ANKRD30A: variants seen among roughly 807,000 people sequenced by gnomAD.
ANKRD30A encodes ankyrin repeat domain 30A, also known as ankyrin repeat domain-containing protein 30A.
ANKRD30A carries 170 observed loss-of-function variants against 166.3 expected under a neutral mutation model. The observed-to-expected ratio is 1.02, with a 90% CI of 0.90 to 1.16. The LOEUF (loss-of-function observed/expected upper bound fraction) is 1.16. Among genes scored for constraint, ANKRD30A ranks in the 50% most tolerant of loss-of-function variants. ANKRD30A has a pLI of 0.00. For synonymous variants in ANKRD30A, 564 were observed against 508.9 expected (o/e 1.11, Z -1.46); for missense variants, 1,630 against 1,518.0 (o/e 1.07, Z -1.23).
At chr10:37,214,539 G>GGT (rs978235256) in intron 31 of ANKRD30A, among the ~76,000 whole-genome samples, 4 of 123,652 alleles carry the variant, frequency 3.2e-5, no homozygotes, top group African/African-American at 9.1e-5. Flanking sequence ...TAGTTTTATA[G>GGT]GTATATATAT....
intron 1 of ANKRD30A, among the ~76,000 whole-genome samples, chr10:37,126,656 T>C (rs187272253): frequency 2.4e-4 from 37 of 152,302 alleles, no homozygotes; most frequent in Non-Finnish European, 4.9e-4. Context: ...ATTTTTTAAA[T>C]TACACAGGCT....
chr10:37,153,717 T>C (rs1838141008), intron 13 of ANKRD30A, 55 bp downstream of exon 13: 3 of 1,601,576 alleles, frequency 1.9e-6, no homozygotes, highest in Non-Finnish European at 2.6e-6. Flanking sequence ...TCTAAACTGA[T>C]GAGGAGGGAT....
chr10:37,140,231 ATCTG>A (rs1837006643), intron 6 of ANKRD30A, among the ~76,000 whole-genome samples: 1 of 152,192 alleles, frequency 6.6e-6, no homozygotes, highest in African/African-American at 2.4e-5. Flanking sequence ...GAAAAGAAAA[ATCTG>A]TCTGTTAGTG....
chr10:37,183,904 G>C lies in ANKRD30A; in HGVS notation c.2422-5563G>C, dbSNP rs188064611. On this transcript the variant is annotated intron_variant, in intron 24 of 35. Coordinates refer to ENST00000361713, the MANE Select transcript of ANKRD30A (RefSeq NM_052997.3). ...TGGCTCACGTCTGTAACGCCAGCAC[G>C]TTGGGAGGCCGTGACTGGCAGATCA... is the stretch of plus-strand genomic sequence containing the variant. Among the ~76,000 whole-genome samples, 1,481 of 149,654 alleles carry C rather than the reference G, an allele frequency of 9.9e-3. 4 individuals carry two copies. The highest frequency in any genetic ancestry group is 0.017 in the Admixed American group (256 of 14,826).
intron 6 of ANKRD30A, among the ~76,000 whole-genome samples, 198 bp downstream of exon 6, chr10:37,136,869 T>C (rs1251720597): frequency 6.6e-6 from 1 of 151,122 alleles, no homozygotes; most frequent in Non-Finnish European, 1.5e-5. Context: ...TTTGATTTTT[T>C]GGTTTATAAT....
intron 31 of ANKRD30A, among the ~76,000 whole-genome samples, chr10:37,209,774 C>A (rs530575902): frequency 6.6e-6 from 1 of 151,934 alleles, no homozygotes; most frequent in Non-Finnish European, 1.5e-5. Context: ...ACTTAATCTT[C>A]TTTTATATAT....
Position 37,201,284 on chromosome 10 carries a change from C to T in ANKRD30A, c.2828C>T (p.Thr943Ile). The T allele has an allele frequency of 6.3e-7, 1 of 1,593,726 alleles. No individual in the cohort carries two copies. The highest frequency in any genetic ancestry group is 8.5e-7 in the Non-Finnish European group (1 of 1,171,304). ...SQKDVCVPKATHQKEMDKISG... is the reference protein window; with the variant it reads ...SQKDVCVPKAIHQKEMDKISG... Reference sequence around the variant, plus strand: ...AAGGATGTGTGTGTACCCAAGGCTACACATCAAAAAGAAATGGATAAAATA... The same window carrying T: ...AAGGATGTGTGTGTACCCAAGGCTATACATCAAAAAGAAATGGATAAAATA... Residue 943 changes from threonine to isoleucine, a missense_variant, in exon 31 of 36, where the codon ACA becomes ATA. Physicochemically the swap from Thr to Ile is moderately conservative, Grantham distance 89. Transcript: ENST00000361713.
intron 13 of ANKRD30A, among the ~76,000 whole-genome samples, chr10:37,154,795 T>A (rs769432813): frequency 1.4e-4 from 21 of 152,140 alleles, no homozygotes; most frequent in Non-Finnish European, 2.6e-4. Context: ...TAGAAAAGTT[T>A]TACTGCAGAA....
the ANKRD30A span, among the ~76,000 whole-genome samples, chr10:37,242,506 C>G: frequency 6.6e-6 from 1 of 152,132 alleles, no homozygotes; most frequent in African/African-American, 2.4e-5. Context: ...TATTCATTTA[C>G]TTGTATCAGT....
In ANKRD30A at chr10:37,231,555, C is replaced by G; in HGVS notation, c.*86C>G. 1.8e-6 allele frequency: 2 copies of G among 1,087,250 alleles called. No individual in the cohort carries two copies. Among genetic ancestry groups the G allele is most frequent in the Non-Finnish European group, 2.6e-6 (2 of 765,668 alleles). 67.4% of individuals were successfully genotyped at this position (1,087,250 alleles called of 1,614,324 possible). ...CATGCTAGGAGGCCAGTCCTAGCAT[C>G]ACCTTATGTTGAAAATCTTACCAAT... is the stretch of plus-strand genomic sequence containing the variant. On this transcript the variant is annotated 3_prime_UTR_variant, in exon 35 of 36. Coordinates refer to ENST00000361713, the MANE Select transcript of ANKRD30A (RefSeq NM_052997.3).
chr10:37,257,792 A>T, the ANKRD30A span, among the ~76,000 whole-genome samples: 2 of 152,358 alleles, frequency 1.3e-5, no homozygotes, highest in East Asian at 3.9e-4. Flanking sequence ...GACATAAAAA[A>T]GAATGAGTTC....
rs776132995 is a variant in ANKRD30A at position 37,217,721 on chromosome 10, A to G, written c.3110A>G (p.Lys1037Arg). The change falls in exon 33 of 36, where the codon AAG (lysine) becomes AGG (arginine). Residue 1037 changes from lysine (K) to arginine (R), a missense_variant. Transcript: ENST00000361713. ...VRLTLNQEEE[K>R]RRNADILNEK... The stretch of plus-strand genomic sequence containing the variant: ...TTGACTTTAAACCAAGAAGAAGAGA[A>G]GAGAAGAAATGCCGATATATTAAAT... The G allele has an allele frequency of 1.3e-6, 2 of 1,580,906 alleles. No homozygotes were observed. The highest frequency in any genetic ancestry group is 1.2e-5 in the South Asian group (1 of 85,392).
chr10:37,150,395 A>G (rs887239883), intron 11 of ANKRD30A, among the ~76,000 whole-genome samples: 1 of 151,926 alleles, frequency 6.6e-6, no homozygotes, highest in African/African-American at 2.4e-5. Flanking sequence ...TGTAAAGATG[A>G]GGAAAGTAAT....
chr10:37,209,435 T>C (rs978581853), intron 31 of ANKRD30A, among the ~76,000 whole-genome samples: 5 of 151,866 alleles, frequency 3.3e-5, no homozygotes, highest in African/African-American at 1.2e-4. Flanking sequence ...GAGAGAGAGG[T>C]GGGAGGTGCC....
chr10:37,200,002 C>T (rs564104937), intron 30 of ANKRD30A, among the ~76,000 whole-genome samples: 1 of 152,062 alleles, frequency 6.6e-6, no homozygotes, highest in South Asian at 2.1e-4. Flanking sequence ...TTTAAGAAGC[C>T]CGTGTGGTAC....
chr10:37,228,842 A>G (rs1843281779), intron 34 of ANKRD30A, among the ~76,000 whole-genome samples: 1 of 151,966 alleles, frequency 6.6e-6, no homozygotes, highest in African/African-American at 2.4e-5. Flanking sequence ...TAAGTTTTCT[A>G]TTGTCATTTT....
chr10:37,229,689 T>C lies in ANKRD30A; in HGVS notation c.4186-1772T>C, dbSNP rs987785773. On this transcript the variant is annotated intron_variant, in intron 34 of 35. Transcript: ENST00000361713. ...TTCTTTTTCACGTATTTAAAATTGCTTTCTGAATCACTGACTTATAAGGAA... is the reference window on the plus strand; with the variant it reads ...TTCTTTTTCACGTATTTAAAATTGCCTTCTGAATCACTGACTTATAAGGAA... Among the ~76,000 whole-genome samples, 5 of 151,996 alleles carry C rather than the reference T, an allele frequency of 3.3e-5. No individual in the cohort carries two copies. In the South Asian group the frequency reaches 6.2e-4, roughly 19 times the overall value.
chr10:37,222,651 C>T (rs1842951046), intron 34 of ANKRD30A, among the ~76,000 whole-genome samples: 1 of 151,316 alleles, frequency 6.6e-6, no homozygotes, highest in Non-Finnish European at 1.5e-5. Context: ...TTCCATATCT[C>T]TCTGCCTTCC....
At chr10:37,237,043 G>T (rs1247074410), downstream of ANKRD30A, among the ~76,000 whole-genome samples, 1 of 152,164 alleles carries the variant, frequency 6.6e-6, no homozygotes, top group African/African-American at 2.4e-5. Flanking sequence ...TTTAGCTGGA[G>T]AACTATTTTT....
Sources: gnomAD v4.1 joint callset for allele counts (sites outside exome capture counted in the v4.1 genomes callset) on GRCh38, gnomAD v4.1.1 for gene constraint, MANE v1.5 for transcripts, NCBI Gene and HGNC (gene_info 2026-07-23, HGNC 2026-07-21) for gene names.